SCLT1: variants seen among roughly 807,000 people sequenced by gnomAD.
SCLT1 encodes the protein sodium channel-associated protein 1.
In SCLT1, 78 loss-of-function variants were observed where a neutral mutation model predicts 112.8. The ratio of observed to expected loss-of-function variants is 0.69; its 90% CI spans 0.58 to 0.83. The LOEUF (loss-of-function observed/expected upper bound fraction) is 0.83. Among genes scored for constraint, SCLT1 ranks in the 40% least tolerant of loss-of-function variants. The pLI, the probability that SCLT1 is intolerant of heterozygous loss-of-function variation, is 0.00. For missense variants in SCLT1, 747 were observed against 770.4 expected (o/e 0.97, Z 0.36); for synonymous variants, 257 against 254.7 (o/e 1.01, Z -0.09).
intron 3 of SCLT1, among the ~76,000 whole-genome samples, chr4:128,877,682 A>C (rs1015198652): frequency 6.7e-6 from 1 of 149,332 alleles, no homozygotes; most frequent in Non-Finnish European, 1.5e-5. Flanking sequence ...CTCGGTCTCA[A>C]AAAAAAAAAA....
intron 2 of SCLT1, among the ~76,000 whole-genome samples, chr4:129,060,244 A>G (rs1454410495): frequency 6.6e-6 from 1 of 152,160 alleles, no homozygotes; most frequent in Non-Finnish European, 1.5e-5. Context: ...GTCTGATTTC[A>G]CTGAATTATC....
intron 5 of SCLT1, among the ~76,000 whole-genome samples, chr4:129,006,626 G>A (rs1560955496): frequency 6.6e-6 from 1 of 151,682 alleles, no homozygotes; most frequent in Non-Finnish European, 1.5e-5. Context: ...GTTTCAGCTT[G>A]CAAGGTCATT....
At chr4:128,996,831 T>C (rs969340548) in intron 8 of SCLT1, among the ~76,000 whole-genome samples, 13 of 152,068 alleles carry the variant, frequency 8.5e-5, no homozygotes, top group Non-Finnish European at 1.6e-4. Context: ...ACAACATCCT[T>C]TTCCCATGAC....
chr4:129,039,213 ATTCT>A (rs1235827718), intron 4 of SCLT1, 117 bp from the exon 5 acceptor site: 4 of 631,306 alleles, frequency 6.3e-6, no homozygotes, highest in Admixed American at 3.0e-5. Context: ...AGAAAGACTT[ATTCT>A]TTATTTATAA....
At chr4:128,910,955 A>T (rs1735047838) in intron 18 of SCLT1, among the ~76,000 whole-genome samples, 1 of 151,554 alleles carries the variant, frequency 6.6e-6, no homozygotes. Flanking sequence ...AGGTTTGTTG[A>T]TTTCATCTAT....
At chr4:128,885,666 T>C (rs550266265) in intron 20 of SCLT1, among the ~76,000 whole-genome samples, 2 of 152,292 alleles carry the variant, frequency 1.3e-5, no homozygotes, top group Non-Finnish European at 2.9e-5. Context: ...CTGGCAAAAA[T>C]GTTTCCAGGT....
At chr4:128,890,533 A>G (rs1191270237) in intron 19 of SCLT1, among the ~76,000 whole-genome samples, 1 of 152,124 alleles carries the variant, frequency 6.6e-6, no homozygotes, top group African/African-American at 2.4e-5. Context: ...ATTCCAACAA[A>G]CATTTGAAGT....
At chr4:129,004,916 A>G (rs905416569) in intron 5 of SCLT1, among the ~76,000 whole-genome samples, 13 of 151,646 alleles carry the variant, frequency 8.6e-5, no homozygotes, top group Non-Finnish European at 1.8e-4. Flanking sequence ...GACAGTTTTT[A>G]TTTTTAAATA....
intron 5 of SCLT1, among the ~76,000 whole-genome samples, chr4:129,024,272 T>C (rs939579810): frequency 2.0e-5 from 3 of 152,084 alleles, no homozygotes; most frequent in Non-Finnish European, 4.4e-5. Context: ...CCCTGACCCC[T>C]GAGCAGCCTA....
At chr4:129,015,308 A>T (rs1579706688) in intron 5 of SCLT1, among the ~76,000 whole-genome samples, 1 of 151,782 alleles carries the variant, frequency 6.6e-6, no homozygotes, top group Non-Finnish European at 1.5e-5. Context: ...GGTTATTGGG[A>T]CCACTCTGCT....
chr4:128,963,283 T>C (rs959465400), intron 11 of SCLT1, among the ~76,000 whole-genome samples: 10 of 152,314 alleles, frequency 6.6e-5, no homozygotes, highest in African/African-American at 2.4e-4. Context: ...GTAGTATCCA[T>C]TGGTGAATTT....
intron 9 of SCLT1, among the ~76,000 whole-genome samples, chr4:128,986,126 A>C (rs1236694145): frequency 6.6e-6 from 1 of 152,196 alleles, no homozygotes. Context: ...AACTGCCCCC[A>C]GCCCCAGGCA....
intron 2 of SCLT1, among the ~76,000 whole-genome samples, chr4:129,051,912 C>G (rs1274849170): frequency 1.3e-5 from 2 of 151,988 alleles, no homozygotes; most frequent in African/African-American, 4.8e-5. Context: ...CAATACCTAG[C>G]TTATTGAGAG....
intron 5 of SCLT1, among the ~76,000 whole-genome samples, chr4:129,015,544 G>A (rs1312275718): frequency 6.6e-6 from 1 of 152,138 alleles, no homozygotes; most frequent in Non-Finnish European, 1.5e-5. Context: ...TCCTAAGAGA[G>A]CAAGTTGAGC....
At chr4:128,994,333 A>C (rs766069707) in intron 8 of SCLT1, among the ~76,000 whole-genome samples, 8 of 152,136 alleles carry the variant, frequency 5.3e-5, no homozygotes, top group Non-Finnish European at 1.5e-5. Context: ...TATTCATGTT[A>C]TCACATATTG....
chr4:129,035,562 A>G lies in SCLT1; in HGVS notation c.290+3479T>C, dbSNP rs549224165. ...TGAAGGAAAAAAAAACAGCTCTTGT[A>G]CTGGCAACAGATGATGTCTTCCATA... On this transcript the variant is annotated intron_variant, in intron 5 of 20. Coordinates refer to ENST00000281142, the MANE Select transcript of SCLT1 (RefSeq NM_144643.4). Among the ~76,000 whole-genome samples the G allele has an allele frequency of 9.9e-5, 15 of 152,282 alleles. No individual in the cohort carries two copies. In the South Asian group the frequency reaches 3.1e-3, roughly 32 times the overall value.
rs1427559276 is a variant in SCLT1, at chr4:129,080,999, G to C, written c.102+1307C>G. ...TTGCCTTTATATGTTTATGCCCCGA[G>C]AGCATAACAGCTCAGCGGCATTCCA... is the stretch of plus-strand genomic sequence containing the variant. On this transcript the variant is annotated intron_variant, in intron 2 of 20. Transcript: ENST00000281142. Among the ~76,000 whole-genome samples, 6 of 152,094 alleles carry C rather than the reference G, an allele frequency of 3.9e-5. No individual in the cohort carries two copies. In the East Asian group the frequency reaches 9.7e-4, roughly 24 times the overall value.
At chr4:129,005,275 C>T (rs1333634093) in intron 5 of SCLT1, among the ~76,000 whole-genome samples, 1 of 152,028 alleles carries the variant, frequency 6.6e-6, no homozygotes, top group Non-Finnish European at 1.5e-5. Context: ...ATCAATTATC[C>T]TAATCCTTTA....
chr4:129,008,106 A>T (rs995316728), intron 5 of SCLT1, among the ~76,000 whole-genome samples: 2 of 152,132 alleles, frequency 1.3e-5, no homozygotes, highest in East Asian at 1.9e-4. Flanking sequence ...CATTATTATT[A>T]TTTTTAAAAG....
Sources: gnomAD v4.1 joint callset for allele counts (sites outside exome capture counted in the v4.1 genomes callset) on GRCh38, gnomAD v4.1.1 for gene constraint, MANE v1.5 for transcripts, NCBI Gene and HGNC (gene_info 2026-07-23, HGNC 2026-07-21) for gene names.